The following EPB41L4A variants were observed in gnomAD, a reference collection of about 807,000 sequenced individuals.
EPB41L4A encodes the protein band 4.1-like protein 4A.
A neutral mutation model predicts 108.6 loss-of-function variants in EPB41L4A; 100 were observed. That is an observed-to-expected ratio of 0.92 (90% CI 0.78 to 1.09). The LOEUF (loss-of-function observed/expected upper bound fraction) is 1.09. Among genes scored for constraint, EPB41L4A ranks in the 50% least tolerant of loss-of-function variants. EPB41L4A has a pLI of 0.00. For synonymous variants in EPB41L4A, 319 were observed against 289.0 expected, an observed-to-expected ratio of 1.10 and a Z score of -1.05; for missense variants, 1,030 against 842.7, an observed-to-expected ratio of 1.22 and a Z score of -2.75.
At chr5:112,333,336 T>A (rs544473368) in intron 1 of EPB41L4A, among the ~76,000 whole-genome samples, 1 of 152,168 alleles carries the variant, frequency 6.6e-6, no homozygotes, top group South Asian at 2.1e-4. Context: ...GGCAGGAATG[T>A]GCATGTCAAC....
chr5:112,242,451 T>C (rs2150386302), intron 9 of EPB41L4A, among the ~76,000 whole-genome samples: 1 of 152,352 alleles, frequency 6.6e-6, no homozygotes, highest in East Asian at 1.9e-4. Context: ...GCTTCACTTC[T>C]AATTCTAGTT....
chr5:112,179,505 G>A (rs1481843886), intron 18 of EPB41L4A, among the ~76,000 whole-genome samples: 1 of 152,076 alleles, frequency 6.6e-6, no homozygotes, highest in Non-Finnish European at 1.5e-5. Context: ...CTTATGCTAG[G>A]AATGCAAGGA....
intron 13 of EPB41L4A, 110 bp downstream of exon 13, chr5:112,209,782 A>C (rs1561477672): frequency 1.6e-6 from 1 of 617,780 alleles, no homozygotes. Context: ...CCCATGGATC[A>C]AAAGTATTCA....
intron 5 of EPB41L4A, among the ~76,000 whole-genome samples, 171 bp from the exon 6 acceptor site, chr5:112,265,187 G>A (rs1239797102): frequency 6.6e-6 from 1 of 152,102 alleles, no homozygotes; most frequent in African/African-American, 2.4e-5. Flanking sequence ...ATATACGGAT[G>A]GTAGCAACAA....
intron 1 of EPB41L4A, among the ~76,000 whole-genome samples, chr5:112,349,817 C>T (rs2140625): frequency 0.9 from 136,673 of 152,234 alleles, 61,414 homozygotes; most frequent in South Asian, 0.96. Flanking sequence ...GTGACATTTA[C>T]GGACAGGACA....
chr5:112,267,868 C>T (rs1751973166), intron 4 of EPB41L4A, among the ~76,000 whole-genome samples: 1 of 151,992 alleles, frequency 6.6e-6, no homozygotes, highest in Admixed American at 6.5e-5. Context: ...GTAAAACTGA[C>T]TTCTTCTTAC....
chr5:112,205,763 A>T (rs1762443382), intron 13 of EPB41L4A, among the ~76,000 whole-genome samples: 1 of 152,154 alleles, frequency 6.6e-6, no homozygotes, highest in Non-Finnish European at 1.5e-5. Context: ...ATCAATTGTT[A>T]AGAAACTCTA....
intron 17 of EPB41L4A, among the ~76,000 whole-genome samples, chr5:112,192,613 A>G (rs1487286170): frequency 6.6e-6 from 1 of 152,220 alleles, no homozygotes; most frequent in Non-Finnish European, 1.5e-5. Flanking sequence ...TAATCTGTCC[A>G]GGAAAAAGGG....
chr5:112,414,505 G>A (rs62365255), intron 1 of EPB41L4A, among the ~76,000 whole-genome samples: 15,776 of 152,166 alleles, frequency 0.1, 1,122 homozygotes, highest in Non-Finnish European at 0.16. Flanking sequence ...ATGCTGCTAA[G>A]TATCCTACAA....
rs144442762 is a variant in EPB41L4A at position 112,294,822 on chromosome 5, C to T, written c.204+12564G>A. Among the ~76,000 whole-genome samples the T allele has an allele frequency of 1.3e-3, 195 of 152,200 alleles. 3 individuals are homozygous for T. Among genetic ancestry groups the T allele is most frequent in the Admixed American group, 0.012 (190 of 15,282 alleles). ...AGGAGCTCAAGATAACCAAGGGCCA[C>T]GTATCTTAAAGGACTTTGTAAACCA... On this transcript the variant is annotated intron_variant, in intron 2 of 22. Transcript: ENST00000261486.
intron 13 of EPB41L4A, among the ~76,000 whole-genome samples, chr5:112,206,705 G>T (rs979423048): frequency 9.9e-5 from 15 of 152,156 alleles, no homozygotes; most frequent in African/African-American, 2.4e-4. Flanking sequence ...AAAAGTTAAA[G>T]AATAATAAAA....
intron 7 of EPB41L4A, among the ~76,000 whole-genome samples, chr5:112,261,848 C>G (rs1340487403): frequency 1.3e-5 from 2 of 151,282 alleles, no homozygotes; most frequent in African/African-American, 4.9e-5. Context: ...TTGAAAAATC[C>G]TCCTGTTTTC....
chr5:112,178,085 A>C (rs1184998529), intron 18 of EPB41L4A, among the ~76,000 whole-genome samples: 1 of 152,044 alleles, frequency 6.6e-6, no homozygotes, highest in Admixed American at 6.5e-5. Context: ...TGTTTACAAG[A>C]GGTGGACTTT....
intron 6 of EPB41L4A, 135 bp downstream of exon 6, chr5:112,264,761 T>TAA: frequency 1.3e-6 from 1 of 786,514 alleles, no homozygotes; most frequent in Admixed American, 3.1e-5. Context: ...TAAAATCAGT[T>TAA]AAACTATACA....
intron 1 of EPB41L4A, among the ~76,000 whole-genome samples, chr5:112,369,728 T>C (rs1759363898): frequency 6.6e-6 from 1 of 152,182 alleles, no homozygotes; most frequent in African/African-American, 2.4e-5. Flanking sequence ...GTGGTGTAGC[T>C]TACCACCTGG....
intron 1 of EPB41L4A, among the ~76,000 whole-genome samples, chr5:112,405,044 GTTTAGTCCTCTCTCACAC>G: frequency 6.6e-6 from 1 of 152,184 alleles, no homozygotes; most frequent in African/African-American, 2.4e-5. Context: ...TCATACCCTT[GTTTAGTCCTCTCTCACAC>G]GAGTGGTGTG....
intron 1 of EPB41L4A, among the ~76,000 whole-genome samples, chr5:112,410,092 A>G (rs548752087): frequency 1.3e-5 from 2 of 152,340 alleles, no homozygotes; most frequent in South Asian, 4.1e-4. Flanking sequence ...ACCTAGGCAG[A>G]ACTCTCCTTC....
rs1370352378 is a variant in EPB41L4A at position 112,148,037 on chromosome 5, A to T, written n.995-2039T>A. Among the ~76,000 whole-genome samples, 5 of 151,364 alleles carry T rather than the reference A, an allele frequency of 3.3e-5. No individual in the cohort carries two copies. The East Asian group carries it at 9.7e-4, about 29-fold the overall frequency. On this transcript the variant is annotated intron_variant and non_coding_transcript_variant, in intron 12 of 13. Coordinates refer to the EPB41L4A transcript ENST00000507810. ...CTGGGTGACAGAGTGAAAAAACAAA[A>T]ATAAATTAAAAAATAAACGCAAACA...
At chr5:112,342,321 A>C (rs1757369066) in intron 1 of EPB41L4A, among the ~76,000 whole-genome samples, 1 of 152,168 alleles carries the variant, frequency 6.6e-6, no homozygotes, top group South Asian at 2.1e-4. Flanking sequence ...TTACAGAAAC[A>C]TGAAATTTAT....
Sources: gnomAD v4.1 joint callset for allele counts (sites outside exome capture counted in the v4.1 genomes callset) on GRCh38, gnomAD v4.1.1 for gene constraint, MANE v1.5 for transcripts, NCBI Gene and HGNC (gene_info 2026-07-23, HGNC 2026-07-21) for gene names.